Variants in SCAPER observed in about 807,000 individuals in gnomAD.
The protein encoded by SCAPER is S-phase cyclin A associated protein in the ER.
A neutral mutation model predicts 182.2 loss-of-function variants in SCAPER; 98 were observed. The ratio of observed to expected loss-of-function variants is 0.54; its 90% CI spans 0.46 to 0.64. SCAPER has a LOEUF of 0.64. Among genes scored for constraint, SCAPER ranks in the 30% least tolerant of loss-of-function variants. SCAPER has a pLI of 0.00. For synonymous variants in SCAPER, 605 were observed against 564.6 expected, an observed-to-expected ratio of 1.07 and a Z score of -1.01; for missense variants, 1,432 against 1,690.0, an observed-to-expected ratio of 0.85 and a Z score of 2.68.
At chr15:76,545,345 G>C (rs1018287408) in intron 23 of SCAPER, among the ~76,000 whole-genome samples, 1 of 152,112 alleles carries the variant, frequency 6.6e-6, no homozygotes, top group East Asian at 1.9e-4. Context: ...CTGTGCTAGA[G>C]ATGCAACTGC....
chr15:76,673,952 TAC>T (rs71447120), intron 20 of SCAPER, among the ~76,000 whole-genome samples: 5,017 of 146,388 alleles, frequency 0.034, 171 homozygotes, highest in East Asian at 0.14. Flanking sequence ...AATTTATCTA[TAC>T]ACACACACAC....
chr15:76,873,476 G>A (rs965044085), intron 2 of SCAPER, among the ~76,000 whole-genome samples: 1 of 152,078 alleles, frequency 6.6e-6, no homozygotes, highest in Admixed American at 6.6e-5. Context: ...AGTATATATA[G>A]TGATACTTTT....
chr15:76,883,898 C>T (rs200409603), intron 1 of SCAPER, 22 bp from the exon 2 acceptor site: 51 of 1,037,942 alleles, frequency 4.9e-5, no homozygotes, highest in South Asian at 6.5e-5. Flanking sequence ...AATATATATA[C>T]GCTTAGTTAT....
At chr15:76,846,317 C>G (rs960407496) in intron 4 of SCAPER, among the ~76,000 whole-genome samples, 26 of 151,646 alleles carry the variant, frequency 1.7e-4, no homozygotes, top group African/African-American at 6.3e-4. Context: ...CCCATAAGCA[C>G]AGGCAACAAT....
chr15:76,768,839 AAT>A (rs1464875731), intron 10 of SCAPER, among the ~76,000 whole-genome samples: 1 of 150,092 alleles, frequency 6.7e-6, no homozygotes, highest in Non-Finnish European at 1.5e-5. Context: ...AAAAAAAAAA[AAT>A]ATATATATAC....
At chr15:76,732,035 TAC>T (rs1158974646) in intron 16 of SCAPER, among the ~76,000 whole-genome samples, 1 of 152,206 alleles carries the variant, frequency 6.6e-6, no homozygotes, top group African/African-American at 2.4e-5. Flanking sequence ...TTGCTATGAT[TAC>T]AGTCTGCTGA....
chr15:76,701,794 G>C lies in SCAPER; in HGVS notation c.2472C>G (p.Thr824=). ...RKHQQAVREN[T]SIQGRELSDE... ...CTGACAGTTCACGCCCCTGGATGCT[G>C]GTATTCTCTCTCACGGCTTGCTGGT... is the stretch of plus-strand genomic sequence containing the variant. The change falls in exon 20 of 32, where the codon ACC becomes ACG. Residue 824 remains threonine (T), a synonymous_variant. Coordinates refer to ENST00000563290, the MANE Select transcript of SCAPER (RefSeq NM_020843.4). 1 of 1,613,748 alleles carries C rather than the reference G, an allele frequency of 6.2e-7. No individual in the cohort carries two copies. The highest frequency in any genetic ancestry group is 8.5e-7 in the Non-Finnish European group (1 of 1,179,786).
At chr15:76,545,880 T>C (rs4886813) in intron 23 of SCAPER, among the ~76,000 whole-genome samples, 58,047 of 151,902 alleles carry the variant, frequency 0.38, 13,120 homozygotes, top group Middle Eastern at 0.52. Context: ...TGATATTAAG[T>C]CATGCTTGTG....
intron 23 of SCAPER, among the ~76,000 whole-genome samples, chr15:76,541,200 T>C (rs1029724246): frequency 1.5e-4 from 13 of 85,772 alleles, no homozygotes; most frequent in African/African-American, 4.1e-4. Context: ...CACGTATTAA[T>C]AGAAAAATAA....
intron 5 of SCAPER, among the ~76,000 whole-genome samples, chr15:76,835,819 A>C (rs2068892506): frequency 6.6e-6 from 1 of 151,072 alleles, no homozygotes; most frequent in African/African-American, 2.4e-5. Flanking sequence ...GGCTCCCAGA[A>C]GTGTTAAGTT....
At chr15:76,853,363 G>A (rs763219378) in intron 4 of SCAPER, among the ~76,000 whole-genome samples, 16 of 152,076 alleles carry the variant, frequency 1.1e-4, no homozygotes, top group East Asian at 1.9e-4. Flanking sequence ...AAATCTGGCC[G>A]AGACACAACA....
At chr15:76,819,588 G>A (rs537526777) in intron 5 of SCAPER, among the ~76,000 whole-genome samples, 28 of 152,212 alleles carry the variant, frequency 1.8e-4, no homozygotes, top group African/African-American at 5.5e-4. Flanking sequence ...CCATCTGTAC[G>A]TCATCATCAT....
intron 14 of SCAPER, among the ~76,000 whole-genome samples, chr15:76,761,912 C>T (rs2062810654): frequency 6.6e-6 from 1 of 152,114 alleles, no homozygotes; most frequent in African/African-American, 2.4e-5. Context: ...TGTATTGCTG[C>T]CAATTTCTCC....
At chr15:76,822,273 G>A (rs942449251) in intron 5 of SCAPER, among the ~76,000 whole-genome samples, 3 of 151,874 alleles carry the variant, frequency 2.0e-5, no homozygotes, top group Admixed American at 2.0e-4. Context: ...GGGGTTATAT[G>A]GAAAATCTCT....
At chr15:76,856,620 A>G (rs1228000828) in intron 4 of SCAPER, among the ~76,000 whole-genome samples, 1 of 151,844 alleles carries the variant, frequency 6.6e-6, no homozygotes, top group African/African-American at 2.4e-5. Context: ...CAATGACATC[A>G]CGATTAGAAG....
chr15:76,639,542 T>C (rs2053929692), intron 21 of SCAPER, among the ~76,000 whole-genome samples: 1 of 152,184 alleles, frequency 6.6e-6, no homozygotes, highest in Non-Finnish European at 1.5e-5. Flanking sequence ...GTAAATCTAC[T>C]TGTCACCTTG....
At chr15:76,761,563 A>T (rs2062789617) in intron 14 of SCAPER, among the ~76,000 whole-genome samples, 1 of 152,014 alleles carries the variant, frequency 6.6e-6, no homozygotes, top group African/African-American at 2.4e-5. Flanking sequence ...TAGTTGTTCA[A>T]CTGTATGTTT....
intron 4 of SCAPER, among the ~76,000 whole-genome samples, chr15:76,849,785 G>A (rs1208767537): frequency 6.6e-6 from 1 of 152,174 alleles, no homozygotes; most frequent in Non-Finnish European, 1.5e-5. Context: ...AGAAATACCC[G>A]AGACAGGGTG....
At chr15:76,577,937 T>G (rs1357742943) in intron 22 of SCAPER, among the ~76,000 whole-genome samples, 1 of 151,904 alleles carries the variant, frequency 6.6e-6, no homozygotes, top group Non-Finnish European at 1.5e-5. Flanking sequence ...TCTTGGATGG[T>G]ATTTCTGCAC....
Sources: allele counts gnomAD v4.1 joint callset (sites outside exome capture counted in the v4.1 genomes callset), GRCh38; gene constraint gnomAD v4.1.1; transcripts MANE v1.5; gene names NCBI Gene and HGNC (gene_info 2026-07-23, HGNC 2026-07-21).